The following PCDHGA3 variants were observed in gnomAD, a reference collection of about 807,000 sequenced individuals.
PCDHGA3 encodes protocadherin gamma subfamily A, 3, also known as protocadherin gamma-A3.
In PCDHGA3, 40 loss-of-function variants were observed where a neutral mutation model predicts 58.5. That is an observed-to-expected ratio of 0.68 (90% CI 0.53 to 0.89). The LOEUF is 0.89. PCDHGA3 is among the 40% of genes least tolerant of loss of function. The pLI is 0.00. For synonymous variants in PCDHGA3, 530 were observed against 525.7 expected (o/e 1.01, Z -0.11); for missense variants, 1,223 against 1,195.9 (o/e 1.02, Z -0.33).
At chr5:141,449,958 A>AT (rs962794399) in intron 1 of PCDHGA3, among the ~76,000 whole-genome samples, 8 of 148,830 alleles carry the variant, frequency 5.4e-5, no homozygotes, top group African/African-American at 2.0e-4. Context: ...CCTCATAGTA[A>AT]TTTTTTTTAG....
rs778819723 is a variant in PCDHGA3 at position 141,398,637 on chromosome 5, T to C, written c.2424+52180T>C. 1.9e-6 allele frequency: 3 copies of C among 1,613,908 alleles called. No homozygotes were observed. The African/African-American group carries it at 4.0e-5, about 22-fold the overall frequency. On this transcript the variant is annotated intron_variant, in intron 1 of 3. Transcript: ENST00000253812. ...TTGGCTTAAACTCTCTGCAGAAGTATAAACTCTCTCTTAACCCAAGTTTCT... is the reference window on the plus strand; with the variant it reads ...TTGGCTTAAACTCTCTGCAGAAGTACAAACTCTCTCTTAACCCAAGTTTCT...
At chr5:141,418,248 C>G (rs372067603) in intron 1 of PCDHGA3, 1 of 1,614,000 alleles carries the variant, frequency 6.2e-7, no homozygotes, top group Admixed American at 1.7e-5. Context: ...AATGACCACG[C>G]CCCTCAATTC....
intron 1 of PCDHGA3, among the ~76,000 whole-genome samples, chr5:141,368,255 T>G (rs1354188654): frequency 1.3e-5 from 2 of 152,202 alleles, no homozygotes; most frequent in Non-Finnish European, 2.9e-5. Context: ...GAAAGGTTAA[T>G]TGACACATTA....
intron 1 of PCDHGA3, chr5:141,399,997 A>C (rs2093936203): frequency 6.2e-7 from 1 of 1,612,226 alleles, no homozygotes; most frequent in African/African-American, 1.3e-5. Context: ...AGAGGTGCGC[A>C]CAGCGCGTGC....
chr5:141,351,552 G>T (rs1758750462), intron 1 of PCDHGA3: 2 of 1,614,026 alleles, frequency 1.2e-6, no homozygotes, highest in Non-Finnish European at 8.5e-7. Context: ...CTTTCCTCCA[G>T]GACAAGCATC....
chr5:141,468,049 G>C (rs2099156671), intron 1 of PCDHGA3, among the ~76,000 whole-genome samples: 1 of 152,068 alleles, frequency 6.6e-6, no homozygotes, highest in African/African-American at 2.4e-5. Context: ...ACTAAGCCGG[G>C]CACAGTGGCT....
intron 1 of PCDHGA3, chr5:141,376,357 A>G: frequency 6.2e-7 from 1 of 1,614,012 alleles, no homozygotes; most frequent in Non-Finnish European, 8.5e-7. Context: ...ACGAGGTCTC[A>G]CTCACTGCAG....
At chr5:141,454,997 A>G (rs2098809547) in intron 1 of PCDHGA3, among the ~76,000 whole-genome samples, 2 of 151,192 alleles carry the variant, frequency 1.3e-5, no homozygotes, top group Admixed American at 6.6e-5. Flanking sequence ...TATTTTTAGT[A>G]GAGACGGGGT....
intron 1 of PCDHGA3, among the ~76,000 whole-genome samples, chr5:141,482,488 G>C (rs1401943298): frequency 7.7e-6 from 1 of 130,410 alleles, no homozygotes; most frequent in African/African-American, 3.1e-5. Context: ...ACAATTAAAA[G>C]TTATCATTCT....
intron 1 of PCDHGA3, chr5:141,388,568 AC>A: frequency 6.2e-7 from 1 of 1,613,888 alleles, no homozygotes; most frequent in East Asian, 2.2e-5. Context: ...CTGCACAGAT[AC>A]ACGTTCTAGT....
chr5:141,462,623 T>C (rs992165332), intron 1 of PCDHGA3, among the ~76,000 whole-genome samples: 3 of 150,992 alleles, frequency 2.0e-5, no homozygotes, highest in Non-Finnish European at 4.4e-5. Context: ...CTTTTAGAAG[T>C]TCCATTTGAC....
At chr5:141,374,898 G>T in intron 1 of PCDHGA3, 3 of 1,613,794 alleles carry the variant, frequency 1.9e-6, no homozygotes, top group Non-Finnish European at 2.5e-6. Context: ...CAGGATGAAG[G>T]AGTCCACGGG....
intron 1 of PCDHGA3, chr5:141,361,654 G>C (rs779307225): frequency 6.2e-7 from 1 of 1,613,782 alleles, no homozygotes; most frequent in Non-Finnish European, 8.5e-7. Flanking sequence ...CTACGTGTCC[G>C]TGAGCGCGCA....
Position 141,376,352 on chromosome 5 carries a change from G to A in PCDHGA3, c.2424+29895G>A, listed in dbSNP as rs919062386. On this transcript the variant is annotated intron_variant, in intron 1 of 3. Coordinates refer to ENST00000253812, the MANE Select transcript of PCDHGA3 (RefSeq NM_018916.4). Reference sequence around the variant, plus strand: ...TTTCCTGCAGACCTATTCCCACGAGGTCTCACTCACTGCAGACTCGCGTAA... The same window carrying A: ...TTTCCTGCAGACCTATTCCCACGAGATCTCACTCACTGCAGACTCGCGTAA... 3.9e-5 allele frequency: 63 copies of A among 1,614,164 alleles called. No homozygotes were observed. In the East Asian group the frequency reaches 1.4e-3, roughly 35 times the overall value.
Position 141,421,259 on chromosome 5 carries a change from G to C in PCDHGA3, c.2425-73548G>C. The C allele has an allele frequency of 6.2e-7, 1 of 1,609,254 alleles. No individual in the cohort carries two copies. The highest frequency in any genetic ancestry group is 8.5e-7 in the Non-Finnish European group (1 of 1,178,538). The stretch of plus-strand genomic sequence containing the variant: ...AATCGGCTACAGCGCGGGGACCGCA[G>C]TCGGCTGCTGCTGCTGCTGTGCATT... On this transcript the variant is annotated intron_variant, in intron 1 of 3. Transcript: ENST00000253812.
intron 1 of PCDHGA3, chr5:141,364,386 T>A (rs543592741): frequency 6.3e-7 from 1 of 1,592,172 alleles, no homozygotes; most frequent in South Asian, 1.1e-5. Context: ...CCCTTCATGC[T>A]CCTGGGGACG....
chr5:141,476,783 G>C lies in PCDHGA3; in HGVS notation c.2425-18024G>C. ...GACGGCGTTGGACGGAGGGACCCCAGCTCTCTCCGCCAGCCTGCCTATTCA... is the reference window on the plus strand; with the variant it reads ...GACGGCGTTGGACGGAGGGACCCCACCTCTCTCCGCCAGCCTGCCTATTCA... On this transcript the variant is annotated intron_variant, in intron 1 of 3. Coordinates refer to ENST00000253812, the MANE Select transcript of PCDHGA3 (RefSeq NM_018916.4). This position sits in a 1 kb window ranked among gnomAD's most constrained non-coding sequence, Gnocchi z 7.6. The C allele has an allele frequency of 6.2e-7, 1 of 1,613,510 alleles. No homozygotes were observed. The highest frequency in any genetic ancestry group is 8.5e-7 in the Non-Finnish European group (1 of 1,180,030).
At chr5:141,450,829 A>ATT (rs373424450) in intron 1 of PCDHGA3, among the ~76,000 whole-genome samples, 8,685 of 135,030 alleles carry the variant, frequency 0.064, 328 homozygotes, top group South Asian at 0.088. Context: ...TATTATTATT[A>ATT]TTTTTTTTTT....
chr5:141,503,812 G>C (rs2099831825), intron 2 of PCDHGA3, among the ~76,000 whole-genome samples: 1 of 152,114 alleles, frequency 6.6e-6, no homozygotes, highest in South Asian at 2.1e-4. Context: ...GGGAATCCCA[G>C]ATTGGGCAAA....
Sources: gnomAD v4.1 joint callset for allele counts (sites outside exome capture counted in the v4.1 genomes callset) on GRCh38, gnomAD v4.1.1 for gene constraint, Gnocchi (gnomAD v3.1) non-coding constraint, MANE v1.5 for transcripts, NCBI Gene and HGNC (gene_info 2026-07-23, HGNC 2026-07-21) for gene names.